The following PTGS1 variants were observed in gnomAD, a reference collection of about 807,000 sequenced individuals.
The protein encoded by PTGS1 is prostaglandin G/H synthase 1.
In PTGS1, 40 loss-of-function variants were observed where a neutral mutation model predicts 63.0. That is an observed-to-expected ratio of 0.63 (90% confidence interval 0.49 to 0.83). PTGS1 has a LOEUF of 0.83. Ranked by LOEUF, PTGS1 falls within the 40% of genes least tolerant of loss-of-function variation. PTGS1 has a pLI of 0.00. For missense variants in PTGS1, 709 were observed against 786.5 expected (o/e 0.90, Z 1.18); for synonymous variants, 298 against 301.9 (o/e 0.99, Z 0.13).
intron 10 of PTGS1, among the ~76,000 whole-genome samples, chr9:122,390,568 GAA>G (rs917987981): frequency 6.6e-6 from 1 of 152,146 alleles, no homozygotes; most frequent in Non-Finnish European, 1.5e-5. Flanking sequence ...TTCAGTGGGA[GAA>G]GAGAGGGAGG....
chr9:122,377,662 G>A (rs900580614), intron 2 of PTGS1, among the ~76,000 whole-genome samples: 1 of 152,226 alleles, frequency 6.6e-6, no homozygotes, highest in Non-Finnish European at 1.5e-5. Context: ...GGGGCCTGAT[G>A]TGGGCTAGGC....
At position 122,390,190 on chromosome 9, in the gene PTGS1, C is replaced by T; in HGVS notation, c.1297-8C>T. 1.2e-6 allele frequency: 2 copies of T among 1,613,040 alleles called. No homozygotes were observed. The highest frequency in any genetic ancestry group is 1.7e-6 in the Non-Finnish European group (2 of 1,179,396). ...TCCCAGACCACTGCTGTGCTTCTCT[C>T]TCGGCAGATCGGTGGGGGCAGGAAC... is the stretch of plus-strand genomic sequence containing the variant. On this transcript the variant is annotated splice_region_variant and splice_polypyrimidine_tract_variant and intron_variant, in intron 9 of 10. Coordinates refer to ENST00000362012, the MANE Select transcript of PTGS1 (RefSeq NM_000962.4).
chr9:122,383,207 C>CTTTT (rs556984692), intron 7 of PTGS1, among the ~76,000 whole-genome samples: 1 of 70,494 alleles, frequency 1.4e-5, no homozygotes, highest in Non-Finnish European at 2.4e-5. Flanking sequence ...TTTTTTTTTT[C>CTTTT]TTTTTTTTTT....
intron 4 of PTGS1, 79 bp from the exon 5 acceptor site, chr9:122,378,696 C>T (rs1837334623): frequency 3.1e-6 from 5 of 1,602,992 alleles, no homozygotes; most frequent in Non-Finnish European, 4.3e-6. Context: ...AAAATAAGCC[C>T]CAACCCAGGA....
At chr9:122,375,553 G>T (rs930076988) in intron 2 of PTGS1, 1 of 910,044 alleles carries the variant, frequency 1.1e-6, no homozygotes, top group Non-Finnish European at 1.3e-6. Context: ...TGCATAGCCT[G>T]TGCTGGGGGA....
At chr9:122,378,744 C>A (rs1389028196) in intron 4 of PTGS1, 31 bp from the exon 5 acceptor site, 29 of 1,613,182 alleles carry the variant, frequency 1.8e-5, no homozygotes, top group Non-Finnish European at 2.5e-5. Context: ...GGTGGAAACA[C>A]CCTTGTCACC....
At position 122,392,608 on chromosome 9, in the gene PTGS1, C is replaced by T; in HGVS notation, c.*64C>T. ...GCTTGTCATTCCAGAGTGCTGAGGCCAGGGCTGATGGTCTTAAATGCTCAT... is the reference window on the plus strand; with the variant it reads ...GCTTGTCATTCCAGAGTGCTGAGGCTAGGGCTGATGGTCTTAAATGCTCAT... On this transcript the variant is annotated 3_prime_UTR_variant, in exon 11 of 11. Coordinates refer to ENST00000362012, the MANE Select transcript of PTGS1 (RefSeq NM_000962.4). The T allele has an allele frequency of 1.4e-6, 2 of 1,456,280 alleles. No homozygotes were observed. Among genetic ancestry groups the T allele is most frequent in the South Asian group, 1.3e-5 (1 of 79,280 alleles). The allele number at this position is 1,456,280 out of a possible 1,614,324, so 90.2% of individuals were successfully genotyped here. A position where few individuals can be genotyped will look rare whatever the true frequency, so the allele number is the denominator to read the frequency against.
At chr9:122,377,805 C>T (rs2119134103) in intron 2 of PTGS1, 94 bp from the exon 3 acceptor site, 2 of 1,137,406 alleles carry the variant, frequency 1.8e-6, no homozygotes, top group South Asian at 2.6e-5. Context: ...CGACTTAAGT[C>T]CATGCCTCTG....
rs1838326413 is a variant in PTGS1 at position 122,392,191 on chromosome 9, GAGA to G, written c.1450_1452del (p.Lys484del). 1.3e-6 allele frequency: 2 copies of G among 1,581,706 alleles called. No homozygotes were observed. The highest frequency in any genetic ancestry group is 2.7e-5 in the African/African-American group (2 of 74,272). ...CATTTCCCCTTATCTCCTTGTAGGAGAGAAGGAGATGGCAGCAGAGTTGGAGGA... is the reference window on the plus strand; with the variant it reads ...CATTTCCCCTTATCTCCTTGTAGGAGAGGAGATGGCAGCAGAGTTGGAGGA... On this transcript the variant is annotated inframe_deletion, in exon 11 of 11. Coordinates refer to ENST00000362012, the MANE Select transcript of PTGS1 (RefSeq NM_000962.4).
At position 122,378,458 on chromosome 9, in the gene PTGS1, T is replaced by C; in HGVS notation, c.237T>C (p.Asn79=). 2 of 1,614,142 alleles carry C rather than the reference T, an allele frequency of 1.2e-6. No homozygotes were observed. Among genetic ancestry groups the C allele is most frequent in the Non-Finnish European group, 1.7e-6 (2 of 1,180,038 alleles). Residue 79 remains asparagine, a synonymous_variant, in exon 4 of 11, where the codon AAT becomes AAC. Transcript: ENST00000362012. ...TIPGLWTWLR[N]SLRPSPSFTH... ...CTGGCCTGTGGACCTGGCTCCGGAATTCACTGCGGCCCAGCCCCTCTTTCA... is the reference window on the plus strand; with the variant it reads ...CTGGCCTGTGGACCTGGCTCCGGAACTCACTGCGGCCCAGCCCCTCTTTCA...
chr9:122,382,000 C>T (rs1837559388), intron 7 of PTGS1, among the ~76,000 whole-genome samples: 1 of 152,192 alleles, frequency 6.6e-6, no homozygotes, highest in African/African-American at 2.4e-5. Context: ...CATTTGTAGT[C>T]TGCATTTATT....
At chr9:122,385,017 G>T (rs1253797327) in intron 8 of PTGS1, among the ~76,000 whole-genome samples, 1 of 152,154 alleles carries the variant, frequency 6.6e-6, no homozygotes, top group Non-Finnish European at 1.5e-5. Context: ...TAGTGCAATG[G>T]CGTGATCTTG....
chr9:122,386,520 C>A lies in PTGS1; in HGVS notation c.1084C>A (p.Pro362Thr). The change falls in exon 9 of 11, where the codon CCA becomes ACA. Residue 362 changes from proline to threonine, a missense_variant. Pro to Thr is a conservative substitution (Grantham distance 38, BLOSUM62 -1). Coordinates refer to ENST00000362012, the MANE Select transcript of PTGS1 (RefSeq NM_000962.4). ...SGYFLQLKFD[P>T]ELLFGVQFQY... ...CTATTTCCTGCAGCTGAAATTTGAC[C>A]CAGAGCTGCTGTTCGGTGTCCAGTT... The A allele has an allele frequency of 1.2e-6, 2 of 1,614,152 alleles. No homozygotes were observed. The highest frequency in any genetic ancestry group is 1.7e-6 in the Non-Finnish European group (2 of 1,180,018).
At chr9:122,391,470 G>T (rs1838282131) in intron 10 of PTGS1, among the ~76,000 whole-genome samples, 1 of 142,796 alleles carries the variant, frequency 7.0e-6, no homozygotes, top group Non-Finnish European at 1.5e-5. Context: ...CTCAGATGTT[G>T]GGCAGCCAAG....
In PTGS1 at chr9:122,383,567, A is replaced by AC. The variant is rs1837673750; in HGVS notation, c.826dup (p.Arg276ProfsTer32). 6.2e-7 allele frequency: 1 copy of AC among 1,613,662 alleles called. No individual in the cohort carries two copies. The highest frequency in any genetic ancestry group is 8.5e-7 in the Non-Finnish European group (1 of 1,179,940). ...GAAGAGGCGCCTGTGTTGATGCACT[A>AC]CCCCCGAGGCATCCCGCCCCAGAGC... On this transcript the variant is annotated frameshift_variant, in exon 8 of 11. Coordinates refer to ENST00000362012, the MANE Select transcript of PTGS1 (RefSeq NM_000962.4). LOFTEE classifies it high-confidence loss of function.
intron 10 of PTGS1, among the ~76,000 whole-genome samples, chr9:122,391,565 G>A (rs1474489485): frequency 6.6e-6 from 1 of 151,112 alleles, no homozygotes; most frequent in Non-Finnish European, 1.5e-5. Flanking sequence ...GGATGGATTT[G>A]AGGAACTGGG....
At chr9:122,390,177 G>A (rs764565046) in intron 9 of PTGS1, 21 bp from the exon 10 acceptor site, 2 of 1,611,266 alleles carry the variant, frequency 1.2e-6, no homozygotes, top group African/African-American at 1.3e-5. Flanking sequence ...CCAGACCACT[G>A]CTGTGCTTCT....
chr9:122,371,236 C>T lies in PTGS1; in HGVS notation c.58C>T (p.Pro20Ser), dbSNP rs1474919628. The change falls in exon 2 of 11, where the codon CCC (proline) becomes TCC (serine). Residue 20 changes from proline to serine, a missense_variant. Pro to Ser is a moderately conservative substitution (Grantham distance 74, BLOSUM62 -1). Transcript: ENST00000362012. ...LLFLLLLPPL[P>S]VLLADPGAPT... ...GTTCCTGCTCCTGCTCCCGCCGCTC[C>T]CCGTCCTGCTCGCGGACCCAGGGGC... 1 of 1,607,684 alleles carries T rather than the reference C, an allele frequency of 6.2e-7. No individual in the cohort carries two copies.
intron 8 of PTGS1, among the ~76,000 whole-genome samples, chr9:122,384,715 A>G (rs901776399): frequency 2.0e-5 from 3 of 152,154 alleles, no homozygotes; most frequent in Non-Finnish European, 4.4e-5. Context: ...TGCCACCAAA[A>G]TCTATGCTAC....
Sources: gnomAD v4.1 joint callset for allele counts (sites outside exome capture counted in the v4.1 genomes callset) on GRCh38, gnomAD v4.1.1 for gene constraint, MANE v1.5 for transcripts, NCBI Gene and HGNC (gene_info 2026-07-23, HGNC 2026-07-21) for gene names.